The following SCHIP1 variants were observed in gnomAD, a reference collection of about 807,000 sequenced individuals.
SCHIP1 encodes schwannomin interacting protein 1.
A neutral mutation model predicts 29.7 loss-of-function variants in SCHIP1; 8 were observed. The observed-to-expected ratio is 0.27, with a 90% CI of 0.16 to 0.49. The LOEUF (loss-of-function observed/expected upper bound fraction) is 0.49. Ranked by LOEUF, SCHIP1 falls within the 20% of genes least tolerant of loss-of-function variation. The pLI, the probability that SCHIP1 is intolerant of heterozygous loss-of-function variation, is 0.99. For missense variants in SCHIP1, 193 were observed against 294.6 expected (o/e 0.66, Z 2.52); for synonymous variants, 76 against 94.9 (o/e 0.80, Z 1.16).
At chr3:159,361,328 G>T in the SCHIP1 span, among the ~76,000 whole-genome samples, 2 of 152,288 alleles carry the variant, frequency 1.3e-5, no homozygotes, top group African/African-American at 4.8e-5. Flanking sequence ...AAGTTACCTT[G>T]GGAAAGAGTA....
chr3:159,583,405 C>T, the SCHIP1 span, among the ~76,000 whole-genome samples: 1 of 152,136 alleles, frequency 6.6e-6, no homozygotes, highest in Non-Finnish European at 1.5e-5. Context: ...TATGATTATA[C>T]TGTTACAAAA....
At chr3:159,777,159 C>G in the SCHIP1 span, among the ~76,000 whole-genome samples, 2 of 152,230 alleles carry the variant, frequency 1.3e-5, no homozygotes, top group African/African-American at 4.8e-5. Flanking sequence ...TAACAAATAT[C>G]TGCTGTCCAG....
At chr3:159,412,625 T>C in the SCHIP1 span, among the ~76,000 whole-genome samples, 1 of 152,124 alleles carries the variant, frequency 6.6e-6, no homozygotes, top group Non-Finnish European at 1.5e-5. Context: ...AAGGGACCAA[T>C]GAATTGTATG....
At chr3:159,532,985 T>C in the SCHIP1 span, among the ~76,000 whole-genome samples, 1 of 152,230 alleles carries the variant, frequency 6.6e-6, no homozygotes, top group Non-Finnish European at 1.5e-5. Flanking sequence ...TACAAAGTGT[T>C]ACACCATATA....
the SCHIP1 span, among the ~76,000 whole-genome samples, chr3:159,517,099 C>T: frequency 5.3e-5 from 8 of 152,146 alleles, no homozygotes; most frequent in African/African-American, 1.4e-4. Context: ...GGTGAGAAGA[C>T]GTTCCCCAGA....
At chr3:159,438,151 GACAC>G in the SCHIP1 span, among the ~76,000 whole-genome samples, 47 of 152,230 alleles carry the variant, frequency 3.1e-4, 1 homozygote, top group East Asian at 8.1e-3. Flanking sequence ...TCTTTTGTTT[GACAC>G]AACCTTCCAC....
intron 1 of SCHIP1, among the ~76,000 whole-genome samples, chr3:159,862,830 T>A (rs80266326): frequency 1.3e-5 from 2 of 151,278 alleles, no homozygotes; most frequent in Non-Finnish European, 2.9e-5. Context: ...CTTTTTTTTT[T>A]AAGTGAAAAT....
the SCHIP1 span, among the ~76,000 whole-genome samples, chr3:159,371,431 A>G: frequency 1.3e-5 from 2 of 152,154 alleles, no homozygotes; most frequent in African/African-American, 4.8e-5. Context: ...CGGAAGAAAG[A>G]ATGTTTGAGC....
chr3:159,863,423 G>C (rs1714266842), intron 1 of SCHIP1, among the ~76,000 whole-genome samples: 1 of 152,046 alleles, frequency 6.6e-6, no homozygotes, highest in East Asian at 1.9e-4. Flanking sequence ...AACTCCATAG[G>C]ATGGAATGAT....
the SCHIP1 span, among the ~76,000 whole-genome samples, chr3:159,300,109 G>A: frequency 1.4e-5 from 1 of 69,042 alleles, no homozygotes; most frequent in African/African-American, 4.7e-5. Context: ...CCCAGGGAAA[G>A]CTGCTTTTTT....
chr3:159,760,767 T>C, the SCHIP1 span, among the ~76,000 whole-genome samples: 78 of 152,312 alleles, frequency 5.1e-4, no homozygotes, highest in African/African-American at 1.6e-3. Context: ...CAGATTTAGT[T>C]TTACATGAAT....
chr3:159,611,797 A>T, the SCHIP1 span, among the ~76,000 whole-genome samples: 1 of 152,138 alleles, frequency 6.6e-6, no homozygotes, highest in Non-Finnish European at 1.5e-5. Context: ...TGAACTGAAG[A>T]AGATGCCCAT....
the SCHIP1 span, among the ~76,000 whole-genome samples, chr3:159,527,248 T>C: frequency 3.4e-4 from 52 of 152,298 alleles, no homozygotes; most frequent in African/African-American, 1.2e-3. Context: ...TTCAAAAGGA[T>C]CCCTTATACT....
the SCHIP1 span, among the ~76,000 whole-genome samples, chr3:159,331,516 C>G: frequency 1.3e-5 from 2 of 152,256 alleles, no homozygotes; most frequent in Admixed American, 6.5e-5. Context: ...TCATCAAGCT[C>G]TGCATATCCA....
At chr3:159,655,029 C>T in the SCHIP1 span, among the ~76,000 whole-genome samples, 3 of 152,064 alleles carry the variant, frequency 2.0e-5, no homozygotes, top group Non-Finnish European at 4.4e-5. Flanking sequence ...CTTACTGTCC[C>T]TATTGAGCAC....
rs187924093 is a variant in SCHIP1 at position 159,869,961 on chromosome 3, A to G, written c.149+3680A>G. On this transcript the variant is annotated intron_variant, in intron 2 of 6. Coordinates refer to ENST00000445224, the Ensembl canonical transcript of SCHIP1. ...AGACATATTACACATCTCTTGTTAT[A>G]TTTATTTCTAGATACTTGCTATTCT... Among the ~76,000 whole-genome samples the G allele has an allele frequency of 2.8e-3, 418 of 151,972 alleles. 2 individuals are homozygous for G. Among genetic ancestry groups the G allele is most frequent in the African/African-American group, 9.5e-3 (396 of 41,536 alleles).
the SCHIP1 span, among the ~76,000 whole-genome samples, chr3:159,457,614 T>C: frequency 2.0e-5 from 3 of 152,280 alleles, no homozygotes; most frequent in African/African-American, 7.2e-5. Context: ...AACAGAGTTA[T>C]ATCATTCAGG....
chr3:159,411,368 T>A, the SCHIP1 span, among the ~76,000 whole-genome samples: 1 of 152,158 alleles, frequency 6.6e-6, no homozygotes, highest in Non-Finnish European at 1.5e-5. Context: ...ATGCATTGTA[T>A]GCCTGTAACA....
the SCHIP1 span, among the ~76,000 whole-genome samples, chr3:159,818,497 C>T: frequency 3.3e-5 from 5 of 152,294 alleles, no homozygotes; most frequent in Admixed American, 2.0e-4. Flanking sequence ...AGTGTGGAGC[C>T]GTGGTAGAGC....
Sources: gnomAD v4.1 joint callset for allele counts (sites outside exome capture counted in the v4.1 genomes callset) on GRCh38, gnomAD v4.1.1 for gene constraint, MANE v1.5 for transcripts, NCBI Gene and HGNC (gene_info 2026-07-23, HGNC 2026-07-21) for gene names.